Variants in EDEM1 observed in about 807,000 individuals in gnomAD.
The protein encoded by EDEM1 is ER degradation enhancing alpha-mannosidase like protein 1.
Under a neutral mutation model 74.4 loss-of-function variants are expected in EDEM1, and 67 were observed. The ratio of observed to expected loss-of-function variants is 0.90; its 90% CI spans 0.74 to 1.10. The LOEUF (loss-of-function observed/expected upper bound fraction) is 1.10, where lower values mean the gene tolerates loss of function less well. Ranked by LOEUF, EDEM1 falls within the 50% of genes least tolerant of loss-of-function variation. The pLI, the probability that EDEM1 is intolerant of heterozygous loss-of-function variation, is 0.00. For synonymous variants in EDEM1, 382 were observed against 335.9 expected (o/e 1.14, Z -1.50); for missense variants, 926 against 851.6 (o/e 1.09, Z -1.09).
At chr3:5,198,401 G>A (rs1255130298) in intron 2 of EDEM1, among the ~76,000 whole-genome samples, 4 of 152,154 alleles carry the variant, frequency 2.6e-5, no homozygotes, top group African/African-American at 4.8e-5. Flanking sequence ...TGTGACAAAG[G>A]TAGAGGAATA....
At chr3:5,210,720 T>A (rs2055157773) in intron 9 of EDEM1, among the ~76,000 whole-genome samples, 1 of 152,138 alleles carries the variant, frequency 6.6e-6, no homozygotes, top group African/African-American at 2.4e-5. Context: ...GTAAGTTTTT[T>A]TTTTTAAGTA....
At chr3:5,202,855 C>G in intron 4 of EDEM1, 111 bp from the exon 5 acceptor site, 1 of 895,558 alleles carries the variant, frequency 1.1e-6, no homozygotes, top group African/African-American at 1.7e-5. Context: ...AGGGCAGACT[C>G]TCACCGTGGT....
intron 1 of EDEM1, among the ~76,000 whole-genome samples, chr3:5,190,916 G>C (rs893623177): frequency 2.6e-5 from 4 of 151,900 alleles, no homozygotes; most frequent in Non-Finnish European, 5.9e-5. Context: ...ATACACAGTA[G>C]GTGTATATAT....
chr3:5,207,949 C>A, intron 7 of EDEM1, 144 bp from the exon 8 acceptor site: 1 of 945,108 alleles, frequency 1.1e-6, no homozygotes, highest in Non-Finnish European at 1.5e-6. Flanking sequence ...TGGGTTGTCA[C>A]TTTTGGGTTG....
intron 5 of EDEM1, among the ~76,000 whole-genome samples, chr3:5,204,226 C>G (rs1027074954): frequency 6.6e-5 from 10 of 152,088 alleles, no homozygotes; most frequent in African/African-American, 2.4e-4. Context: ...TGTGTAACTT[C>G]TATATATTTT....
chr3:5,215,446 G>C (rs775903290), intron 11 of EDEM1, among the ~76,000 whole-genome samples: 2 of 152,226 alleles, frequency 1.3e-5, no homozygotes, highest in Non-Finnish European at 2.9e-5. Context: ...CAGGGATGTG[G>C]CTTTCAGTCC....
Position 5,207,193 on chromosome 3 carries a change from T to C in EDEM1, c.1258T>C (p.Tyr420His). ...CNEGEGDPPLYVNVNMFSGQL... is the reference protein window; with the variant it reads ...CNEGEGDPPLHVNVNMFSGQL... ...TGAAGGAGAAGGAGACCCTCCACTC[T>C]ATGTCAACGTGAACATGTTCAGTGG... Residue 420 changes from tyrosine (Y) to histidine (H), a missense_variant, in exon 7 of 12, where the codon TAT (tyrosine) becomes CAT (histidine). Coordinates refer to ENST00000256497, the MANE Select transcript of EDEM1 (RefSeq NM_014674.3). 6.2e-7 allele frequency: 1 copy of C among 1,613,964 alleles called. No homozygotes were observed. The highest frequency in any genetic ancestry group is 8.5e-7 in the Non-Finnish European group (1 of 1,179,850).
intron 7 of EDEM1, 27 bp from the exon 8 acceptor site, chr3:5,208,066 G>T: frequency 6.4e-7 from 1 of 1,565,742 alleles, no homozygotes; most frequent in Non-Finnish European, 8.6e-7. Flanking sequence ...TGGTATCTCA[G>T]CCTGATGACC....
Position 5,207,195 on chromosome 3 carries a change from T to C in EDEM1, c.1260T>C (p.Tyr420=), listed in dbSNP as rs774961511. ...AAGGAGAAGGAGACCCTCCACTCTATGTCAACGTGAACATGTTCAGTGGGC... is the reference window on the plus strand; with the variant it reads ...AAGGAGAAGGAGACCCTCCACTCTACGTCAACGTGAACATGTTCAGTGGGC... ...CNEGEGDPPL[Y]VNVNMFSGQL... Residue 420 remains tyrosine, a synonymous_variant, in exon 7 of 12, where the codon TAT becomes TAC. Coordinates refer to ENST00000256497, the MANE Select transcript of EDEM1 (RefSeq NM_014674.3). 2 of 1,614,178 alleles carry C rather than the reference T, an allele frequency of 1.2e-6. No individual in the cohort carries two copies. The highest frequency in any genetic ancestry group is 4.5e-5 in the East Asian group (2 of 44,880).
intron 5 of EDEM1, among the ~76,000 whole-genome samples, chr3:5,204,429 A>G (rs1559297573): frequency 6.6e-6 from 1 of 151,220 alleles, no homozygotes; most frequent in African/African-American, 2.4e-5. Flanking sequence ...GCTGGACGGC[A>G]GTGGCACAGT....
intron 6 of EDEM1, among the ~76,000 whole-genome samples, chr3:5,206,344 A>G (rs981391103): frequency 6.6e-6 from 1 of 151,786 alleles, no homozygotes; most frequent in Non-Finnish European, 1.5e-5. Context: ...AGTAGCTGGG[A>G]TCACAGCCGT....
chr3:5,204,387 CTT>C (rs1405769444), intron 5 of EDEM1, among the ~76,000 whole-genome samples: 13 of 128,166 alleles, frequency 1.0e-4, no homozygotes, highest in African/African-American at 3.8e-4. Flanking sequence ...TTTTTTTTGT[CTT>C]TTGAGACAGG....
At chr3:5,215,432 A>T (rs963963150) in intron 11 of EDEM1, among the ~76,000 whole-genome samples, 7 of 152,078 alleles carry the variant, frequency 4.6e-5, no homozygotes, top group African/African-American at 1.7e-4. Flanking sequence ...CGGACTAAGG[A>T]CCCCAGGGAT....
intron 1 of EDEM1, among the ~76,000 whole-genome samples, chr3:5,188,999 T>A (rs1261835060): frequency 6.6e-6 from 1 of 152,102 alleles, no homozygotes; most frequent in African/African-American, 2.4e-5. Context: ...CCCTGTACGA[T>A]CTGTCTATAA....
chr3:5,203,113 C>G lies in EDEM1; in HGVS notation c.1006C>G (p.Leu336Val). The change falls in exon 5 of 12, where the codon CTT becomes GTT. Residue 336 changes from leucine (L) to valine (V), a missense_variant. Coordinates refer to ENST00000256497, the MANE Select transcript of EDEM1 (RefSeq NM_014674.3). ...GGTGGCCAGACGAGCAGTGAAAGCC[C>G]TTTGGAACCTCCGGAGCAATGATAC... ...EWVARRAVKA[L>V]WNLRSNDTGL... 6.2e-7 allele frequency: 1 copy of G among 1,605,204 alleles called. No homozygotes were observed. The highest frequency in any genetic ancestry group is 2.2e-5 in the East Asian group (1 of 44,740).
chr3:5,199,538 C>T (rs377120), intron 2 of EDEM1, 54 bp from the exon 3 acceptor site: 1,310,856 of 1,364,250 alleles, frequency 0.96, 630,803 homozygotes, highest in Admixed American at 0.98. Context: ...TGTGATGATA[C>T]AGCCTCAGTT....
intron 6 of EDEM1, among the ~76,000 whole-genome samples, chr3:5,206,434 C>T (rs2055097813): frequency 6.6e-6 from 1 of 152,106 alleles, no homozygotes; most frequent in Non-Finnish European, 1.5e-5. Flanking sequence ...TCTCAAACTC[C>T]TGACCTCGTG....
intron 1 of EDEM1, among the ~76,000 whole-genome samples, chr3:5,193,513 A>C (rs2054925833): frequency 6.6e-6 from 1 of 152,182 alleles, no homozygotes; most frequent in African/African-American, 2.4e-5. Flanking sequence ...CAGTTTTCTG[A>C]CTTCCCAGCT....
Position 5,188,199 on chromosome 3 carries a change from G to A in EDEM1, c.394G>A (p.Asp132Asn), listed in dbSNP as rs151129866. ...TCCGCAGCTGCGTGCCCAGATGCGC[G>A]ACCTGGCACGGGGCATGTTCGTCTT... The part of the protein sequence containing the change: ...FPPQLRAQMR[D>N]LARGMFVFGY... Residue 132 changes from aspartate to asparagine, a missense_variant, in exon 1 of 12, where the codon GAC (aspartate) becomes AAC (asparagine). Transcript: ENST00000256497. 32 of 1,579,272 alleles carry A rather than the reference G, an allele frequency of 2.0e-5. No homozygotes were observed. In the African/African-American group the frequency reaches 3.3e-4, roughly 16 times the overall value.
Sources: allele counts gnomAD v4.1 joint callset (sites outside exome capture counted in the v4.1 genomes callset), GRCh38; gene constraint gnomAD v4.1.1; transcripts MANE v1.5; gene names NCBI Gene and HGNC (gene_info 2026-07-23, HGNC 2026-07-21).